Variants in KCNB2 observed in about 807,000 individuals in gnomAD.
KCNB2 encodes the protein potassium voltage-gated channel subfamily B member 2, also known as delayed rectifier potassium channel protein.
KCNB2 carries 15 observed loss-of-function variants against 61.5 expected under a neutral mutation model. The ratio of observed to expected loss-of-function variants is 0.24; its 90% CI spans 0.16 to 0.38. The LOEUF is 0.38. Among genes scored for constraint, KCNB2 ranks in the 10% least tolerant of loss-of-function variants. The pLI is 1.00. For missense variants in KCNB2, 828 were observed against 1,125.2 expected, an observed-to-expected ratio of 0.74 and a Z score of 3.78; for synonymous variants, 457 against 446.0, an observed-to-expected ratio of 1.02 and a Z score of -0.31.
chr8:72,604,149 T>G (rs1264826295), intron 2 of KCNB2, among the ~76,000 whole-genome samples: 1 of 152,218 alleles, frequency 6.6e-6, no homozygotes, highest in Non-Finnish European at 1.5e-5. Flanking sequence ...CCTGTCTGTA[T>G]GTCAGTTTTC....
At chr8:72,571,676 A>C (rs774059885) in intron 2 of KCNB2, among the ~76,000 whole-genome samples, 18 of 152,064 alleles carry the variant, frequency 1.2e-4, no homozygotes, top group South Asian at 8.3e-4. Flanking sequence ...ACACAGTTTA[A>C]ATTTGAGATG....
intron 1 of KCNB2, among the ~76,000 whole-genome samples, chr8:72,556,472 T>C (rs148260724): frequency 2.2e-3 from 332 of 152,194 alleles, no homozygotes; most frequent in African/African-American, 7.7e-3. Flanking sequence ...TCACTAATGA[T>C]AAGGATGGAT....
intron 2 of KCNB2, among the ~76,000 whole-genome samples, chr8:72,866,497 C>T (rs1168513198): frequency 6.6e-6 from 1 of 152,184 alleles, no homozygotes; most frequent in African/African-American, 2.4e-5. Context: ...AAGATAGGCA[C>T]ACACAGGATC....
intron 1 of KCNB2, among the ~76,000 whole-genome samples, chr8:72,559,671 T>C (rs890970985): frequency 6.6e-6 from 1 of 152,224 alleles, no homozygotes; most frequent in Non-Finnish European, 1.5e-5. Flanking sequence ...TTTGCCTGAC[T>C]GCGGCCATTA....
intron 2 of KCNB2, among the ~76,000 whole-genome samples, chr8:72,713,696 C>T (rs532940588): frequency 8.5e-5 from 13 of 152,166 alleles, no homozygotes; most frequent in African/African-American, 2.2e-4. Flanking sequence ...TAGATAAAAC[C>T]GCAAAGATGG....
At chr8:72,725,565 GTATA>G (rs111953660) in intron 2 of KCNB2, among the ~76,000 whole-genome samples, 1 of 47,978 alleles carries the variant, frequency 2.1e-5, no homozygotes, top group African/African-American at 6.7e-5. Context: ...ATGTATATAT[GTATA>G]TATATGTATA....
chr8:72,766,978 G>A (rs55651124), intron 2 of KCNB2, among the ~76,000 whole-genome samples: 21,495 of 152,072 alleles, frequency 0.14, 1,832 homozygotes, highest in South Asian at 0.3. Flanking sequence ...GCAGCAGCAA[G>A]AGAAAAAAAA....
At chr8:72,653,617 A>G (rs1001481822) in intron 2 of KCNB2, among the ~76,000 whole-genome samples, 11 of 152,154 alleles carry the variant, frequency 7.2e-5, no homozygotes, top group Non-Finnish European at 1.2e-4. Flanking sequence ...CCCACTGGCC[A>G]AACCTGACCT....
At chr8:72,867,898 GCTGT>G (rs2129004526) in intron 2 of KCNB2, among the ~76,000 whole-genome samples, 1 of 152,180 alleles carries the variant, frequency 6.6e-6, no homozygotes, top group African/African-American at 2.4e-5. Context: ...ACATTATTTG[GCTGT>G]TATCTTCTTT....
chr8:72,684,710 G>C (rs1409480205), intron 2 of KCNB2, among the ~76,000 whole-genome samples: 2 of 152,172 alleles, frequency 1.3e-5, no homozygotes, highest in African/African-American at 4.8e-5. Context: ...TATTTGATCA[G>C]TGACCAACAG....
chr8:72,620,166 A>G (rs1192195471), intron 2 of KCNB2, among the ~76,000 whole-genome samples: 2 of 152,238 alleles, frequency 1.3e-5, no homozygotes, highest in Non-Finnish European at 2.9e-5. Context: ...TTTCCATCAC[A>G]TAGCACTACT....
intron 2 of KCNB2, among the ~76,000 whole-genome samples, chr8:72,594,359 G>C (rs1349446966): frequency 6.6e-6 from 1 of 152,146 alleles, no homozygotes; most frequent in Non-Finnish European, 1.5e-5. Flanking sequence ...CTCTGGTCCA[G>C]TTATGCTTAT....
At chr8:72,551,809 T>C (rs1291168186) in intron 1 of KCNB2, among the ~76,000 whole-genome samples, 1 of 152,196 alleles carries the variant, frequency 6.6e-6, no homozygotes, top group Non-Finnish European at 1.5e-5. Context: ...AGGCAGGGAC[T>C]GCTGCTTTCA....
chr8:72,692,071 C>G lies in KCNB2; in HGVS notation c.579+123758C>G, dbSNP rs534214500. On this transcript the variant is annotated intron_variant, in intron 2 of 2. Transcript: ENST00000523207. Reference sequence around the variant, plus strand: ...CTAACACAGTGAAACCCTGTCTCTACTAAAAATACAAAAAATTAGCCAGAC... The same window carrying G: ...CTAACACAGTGAAACCCTGTCTCTAGTAAAAATACAAAAAATTAGCCAGAC... Among the ~76,000 whole-genome samples the G allele has an allele frequency of 1.1e-4, 16 of 151,842 alleles. No individual in the cohort carries two copies. In the South Asian group the frequency reaches 3.3e-3, roughly 32 times the overall value.
At chr8:72,556,005 G>T (rs1473300075) in intron 1 of KCNB2, among the ~76,000 whole-genome samples, 1 of 151,982 alleles carries the variant, frequency 6.6e-6, no homozygotes, top group East Asian at 1.9e-4. Flanking sequence ...AACATTGTCT[G>T]TTATATACTG....
intron 2 of KCNB2, among the ~76,000 whole-genome samples, chr8:72,891,752 A>T (rs1805899863): frequency 6.6e-6 from 1 of 152,216 alleles, no homozygotes; most frequent in African/African-American, 2.4e-5. Context: ...GATAGAGGGG[A>T]TGATGCTTCA....
chr8:72,776,425 C>T (rs947400048), intron 2 of KCNB2, among the ~76,000 whole-genome samples: 2 of 152,160 alleles, frequency 1.3e-5, no homozygotes, highest in African/African-American at 4.8e-5. Context: ...TTGATTATTT[C>T]CTGTGTTTTT....
rs1033269596 is a variant in KCNB2, at chr8:72,938,226, G to T, written c.*135G>T. 1.2e-5 allele frequency: 8 copies of T among 674,084 alleles called. No homozygotes were observed. Among genetic ancestry groups the T allele is most frequent in the Non-Finnish European group, 2.0e-5 (8 of 391,242 alleles). The allele number at this position is 674,084 out of a possible 1,614,324, so 41.8% of individuals were successfully genotyped here. A position where few individuals can be genotyped will look rare whatever the true frequency, so the allele number is the denominator to read the frequency against. The stretch of plus-strand genomic sequence containing the variant: ...AAAAAGTGCATAAAATGTTATTTTT[G>T]CATGGCATGAACAGTTTAGCTTAAG... On this transcript the variant is annotated 3_prime_UTR_variant, in exon 3 of 3. Coordinates refer to ENST00000523207, the MANE Select transcript of KCNB2 (RefSeq NM_004770.3).
intron 1 of KCNB2, among the ~76,000 whole-genome samples, chr8:72,547,675 A>C (rs1806279170): frequency 6.6e-6 from 1 of 152,250 alleles, no homozygotes; most frequent in East Asian, 1.9e-4. Context: ...TGAGCAGAGA[A>C]GGAGTTGCTT....
Sources: allele counts gnomAD v4.1 joint callset (sites outside exome capture counted in the v4.1 genomes callset), GRCh38; gene constraint gnomAD v4.1.1; transcripts MANE v1.5; gene names NCBI Gene and HGNC (gene_info 2026-07-23, HGNC 2026-07-21).